The following KHDRBS2 variants were observed in gnomAD, a reference collection of about 807,000 sequenced individuals.
KHDRBS2 encodes the protein KH domain-containing, RNA-binding, signal transduction-associated protein 2.
In KHDRBS2, 26 loss-of-function variants were observed where a neutral mutation model predicts 44.3. The observed-to-expected ratio is 0.59, with a 90% CI of 0.43 to 0.81. The LOEUF (loss-of-function observed/expected upper bound fraction) is 0.81, where lower values mean the gene tolerates loss of function less well. KHDRBS2 is among the 40% of genes least tolerant of loss of function. The probability of loss-of-function intolerance (pLI) is 0.00; values close to 1 mark genes in which losing one functional copy is unlikely to be tolerated. For missense variants in KHDRBS2, 476 were observed against 433.1 expected, an observed-to-expected ratio of 1.10 and a Z score of -0.88; for synonymous variants, 194 against 151.1, an observed-to-expected ratio of 1.28 and a Z score of -2.08.
rs1427490354 is a variant in KHDRBS2 at position 62,063,611 on chromosome 6, G to A, written c.220-15617C>T. Among the ~76,000 whole-genome samples the A allele has an allele frequency of 2.0e-3, 304 of 151,204 alleles. 4 individuals are homozygous for A. Among genetic ancestry groups the A allele is most frequent in the African/African-American group, 6.6e-3 (272 of 41,150 alleles). ...ATGATAAAAACTCTCAATAAATTAG[G>A]TATTGATGGGATGTATTTCAAAATA... On this transcript the variant is annotated intron_variant, in intron 2 of 8. Transcript: ENST00000281156.
At chr6:61,594,233 A>G in the KHDRBS2 span, among the ~76,000 whole-genome samples, 1 of 128,018 alleles carries the variant, frequency 7.8e-6, no homozygotes, top group Admixed American at 8.3e-5. Context: ...TTAAAAAATG[A>G]GCAACAGTTT....
intron 6 of KHDRBS2, among the ~76,000 whole-genome samples, chr6:61,885,201 G>C (rs1234044239): frequency 6.6e-6 from 1 of 151,408 alleles, no homozygotes; most frequent in Non-Finnish European, 1.5e-5. Flanking sequence ...ATTTTCTATA[G>C]ACAGGAAACA....
At chr6:61,983,861 G>A (rs865879958) in intron 3 of KHDRBS2, among the ~76,000 whole-genome samples, 3 of 152,088 alleles carry the variant, frequency 2.0e-5, no homozygotes, top group South Asian at 2.1e-4. Context: ...CCACTCTTAC[G>A]GGTTATTAGA....
At chr6:61,868,280 G>A (rs2127300321) in intron 6 of KHDRBS2, among the ~76,000 whole-genome samples, 1 of 152,264 alleles carries the variant, frequency 6.6e-6, no homozygotes, top group Middle Eastern at 3.4e-3. Flanking sequence ...GGACTCTAAA[G>A]CCCACAGGCT....
the KHDRBS2 span, among the ~76,000 whole-genome samples, chr6:61,642,304 T>C: frequency 2.5e-3 from 379 of 152,238 alleles, no homozygotes; most frequent in African/African-American, 8.3e-3. Flanking sequence ...TAATTTGACA[T>C]ATTTAAATCA....
chr6:62,110,089 G>A (rs1279406924), intron 2 of KHDRBS2, among the ~76,000 whole-genome samples: 1 of 151,742 alleles, frequency 6.6e-6, no homozygotes, highest in East Asian at 1.9e-4. Context: ...ACAAGGCCCA[G>A]GAAGGAAGAA....
intron 7 of KHDRBS2, among the ~76,000 whole-genome samples, chr6:61,729,275 G>A (rs983426394): frequency 6.6e-6 from 1 of 152,196 alleles, no homozygotes; most frequent in East Asian, 1.9e-4. Context: ...GGAGCTAAAT[G>A]ATGAGAACAC....
intron 6 of KHDRBS2, among the ~76,000 whole-genome samples, chr6:61,766,394 CA>C (rs1222589562): frequency 1.3e-5 from 2 of 151,476 alleles, no homozygotes; most frequent in Non-Finnish European, 3.0e-5. Flanking sequence ...AAAGGTTTGC[CA>C]ATTTTATCTT....
chr6:62,140,336 T>C (rs1007303462), intron 2 of KHDRBS2, among the ~76,000 whole-genome samples: 2 of 152,188 alleles, frequency 1.3e-5, no homozygotes, highest in Non-Finnish European at 2.9e-5. Context: ...TTAATGTCGA[T>C]CTTAGGTTTA....
chr6:61,693,630 A>G (rs372766820), intron 8 of KHDRBS2, among the ~76,000 whole-genome samples: 21 of 152,120 alleles, frequency 1.4e-4, no homozygotes, highest in African/African-American at 5.1e-4. Context: ...CCCTTTCTAC[A>G]TTTTCCTTAT....
At chr6:61,906,829 G>A (rs1182303152) in intron 4 of KHDRBS2, among the ~76,000 whole-genome samples, 1 of 151,400 alleles carries the variant, frequency 6.6e-6, no homozygotes, top group African/African-American at 2.4e-5. Flanking sequence ...TCCAAACATT[G>A]GCTATTGAGA....
chr6:61,971,549 G>A (rs1398404916), intron 4 of KHDRBS2, among the ~76,000 whole-genome samples: 1 of 152,086 alleles, frequency 6.6e-6, no homozygotes, highest in African/African-American at 2.4e-5. Flanking sequence ...GTTTCTTGGT[G>A]TATTTTAAAA....
intron 2 of KHDRBS2, among the ~76,000 whole-genome samples, chr6:62,172,083 AC>A (rs768742093): frequency 4.0e-4 from 61 of 152,112 alleles, no homozygotes; most frequent in Non-Finnish European, 5.9e-4. Flanking sequence ...ATCCAAACTA[AC>A]CTTGAATATA....
rs1562294429 is a variant in KHDRBS2, at chr6:61,848,518, TGTATATATATATAC to T, written c.810+46103_810+46116del. 8.2e-4 allele frequency among the ~76,000 whole-genome samples: 38 copies of T among 46,074 alleles called. 1 individual carries two copies. The highest frequency in any genetic ancestry group is 2.2e-3 in the African/African-American group (22 of 10,174). 30.2% of individuals were successfully genotyped at this position (46,074 alleles called of 152,430 possible). On this transcript the variant is annotated intron_variant, in intron 6 of 8. Coordinates refer to ENST00000281156, the MANE Select transcript of KHDRBS2 (RefSeq NM_152688.4). ...ATATATATATATATATATGTATATA[TGTATATATATATAC>T]ATATATATGTATATATATACATATA...
At chr6:61,987,810 A>G (rs1775340595) in intron 3 of KHDRBS2, among the ~76,000 whole-genome samples, 1 of 152,138 alleles carries the variant, frequency 6.6e-6, no homozygotes, top group African/African-American at 2.4e-5. Context: ...AGCACCTCTA[A>G]CTCTTGTCAC....
intron 2 of KHDRBS2, among the ~76,000 whole-genome samples, chr6:62,075,615 C>T (rs1303939620): frequency 1.3e-5 from 2 of 151,882 alleles, no homozygotes; most frequent in Non-Finnish European, 2.9e-5. Flanking sequence ...ATTCCTGTTC[C>T]TATCAGCATT....
chr6:61,786,902 T>G (rs1783904509), intron 6 of KHDRBS2, among the ~76,000 whole-genome samples: 1 of 151,726 alleles, frequency 6.6e-6, no homozygotes, highest in Non-Finnish European at 1.5e-5. Flanking sequence ...GAGCTTATTT[T>G]AATCCCATAA....
At chr6:61,588,668 T>A in the KHDRBS2 span, among the ~76,000 whole-genome samples, 1 of 152,064 alleles carries the variant, frequency 6.6e-6, no homozygotes, top group Non-Finnish European at 1.5e-5. Flanking sequence ...GGCACATGCC[T>A]GCAGTCCCAG....
chr6:61,684,105 C>A (rs1766579990), intron 8 of KHDRBS2, among the ~76,000 whole-genome samples: 1 of 151,892 alleles, frequency 6.6e-6, no homozygotes, highest in African/African-American at 2.4e-5. Flanking sequence ...TATAGTTACA[C>A]ATTTACAATT....
Sources: allele counts gnomAD v4.1 joint callset (sites outside exome capture counted in the v4.1 genomes callset), GRCh38; gene constraint gnomAD v4.1.1; transcripts MANE v1.5; gene names NCBI Gene and HGNC (gene_info 2026-07-23, HGNC 2026-07-21).